Variants in TBC1D32 observed in about 807,000 individuals in gnomAD.
TBC1D32 encodes protein broad-minded.
TBC1D32 carries 151 observed loss-of-function variants against 170.3 expected under a neutral mutation model. The observed-to-expected ratio is 0.89, with a 90% CI of 0.78 to 1.01. The LOEUF is 1.01. Ranked by LOEUF, TBC1D32 falls within the 50% of genes least tolerant of loss-of-function variation. The pLI is 0.00. For synonymous variants in TBC1D32, 498 were observed against 488.0 expected, an observed-to-expected ratio of 1.02 and a Z score of -0.27; for missense variants, 1,464 against 1,457.1, an observed-to-expected ratio of 1.00 and a Z score of -0.08.
intron 17 of TBC1D32, among the ~76,000 whole-genome samples, chr6:121,251,789 T>A (rs995298952): frequency 6.6e-6 from 1 of 151,982 alleles, no homozygotes; most frequent in Non-Finnish European, 1.5e-5. Flanking sequence ...TGGGAGAAAA[T>A]TTTTGCCATC....
intron 21 of TBC1D32, among the ~76,000 whole-genome samples, chr6:121,214,540 G>T (rs9387929): frequency 6.6e-6 from 1 of 151,948 alleles, no homozygotes; most frequent in Non-Finnish European, 1.5e-5. Flanking sequence ...CTGTGAGGCT[G>T]CACCTAGACA....
intron 17 of TBC1D32, among the ~76,000 whole-genome samples, chr6:121,242,565 G>T (rs1258235705): frequency 6.6e-6 from 1 of 151,842 alleles, no homozygotes; most frequent in East Asian, 1.9e-4. Context: ...TTCACTGAAT[G>T]AAAAAAATGT....
At chr6:121,089,291 C>CA (rs1188315045) in intron 31 of TBC1D32, among the ~76,000 whole-genome samples, 3 of 151,958 alleles carry the variant, frequency 2.0e-5, no homozygotes, top group Non-Finnish European at 4.4e-5. Context: ...CCAGAGAAGA[C>CA]AGACAAAAAC....
chr6:121,162,216 T>C (rs1226865727), intron 22 of TBC1D32, among the ~76,000 whole-genome samples: 3 of 152,170 alleles, frequency 2.0e-5, no homozygotes, highest in African/African-American at 7.2e-5. Context: ...CATTTGTCAG[T>C]TTTTGTGTTT....
chr6:121,272,550 C>T (rs1234482001), intron 15 of TBC1D32, among the ~76,000 whole-genome samples: 2 of 152,046 alleles, frequency 1.3e-5, no homozygotes, highest in African/African-American at 4.8e-5. Flanking sequence ...AAATCAAAAC[C>T]ACAATGAGAT....
chr6:121,243,679 G>A (rs1181007387), intron 17 of TBC1D32, among the ~76,000 whole-genome samples: 1 of 150,716 alleles, frequency 6.6e-6, no homozygotes, highest in African/African-American at 2.4e-5. Context: ...ACCCTGTAAT[G>A]GGTCACAAAG....
intron 24 of TBC1D32, among the ~76,000 whole-genome samples, chr6:121,148,786 G>C (rs1783817337): frequency 6.6e-6 from 1 of 152,046 alleles, no homozygotes. Flanking sequence ...GCGAATGTTT[G>C]GATTTTTAGT....
chr6:121,287,489 C>T (rs989452356), intron 12 of TBC1D32, among the ~76,000 whole-genome samples: 17 of 152,022 alleles, frequency 1.1e-4, no homozygotes, highest in Non-Finnish European at 2.2e-4. Context: ...ACAGGAGCAC[C>T]CAGATTCATA....
intron 12 of TBC1D32, among the ~76,000 whole-genome samples, chr6:121,289,443 AG>A (rs1356644407): frequency 2.0e-5 from 3 of 152,202 alleles, no homozygotes; most frequent in African/African-American, 7.2e-5. Flanking sequence ...CCAACTTACG[AG>A]GGACGTGAAG....
At chr6:121,299,556 T>C in intron 9 of TBC1D32, 51 bp from the exon 10 acceptor site, 1 of 1,447,398 alleles carries the variant, frequency 6.9e-7, no homozygotes. Context: ...CCACTCAAAA[T>C]CTATTTTTCC....
At chr6:121,241,780 T>C (rs1216739739) in intron 18 of TBC1D32, among the ~76,000 whole-genome samples, 1 of 152,204 alleles carries the variant, frequency 6.6e-6, no homozygotes, top group Non-Finnish European at 1.5e-5. Context: ...CTAAATTATA[T>C]TGTAAATTTA....
At chr6:121,298,351 T>A (rs1389963151) in intron 10 of TBC1D32, among the ~76,000 whole-genome samples, 1 of 152,030 alleles carries the variant, frequency 6.6e-6, no homozygotes, top group Admixed American at 6.6e-5. Flanking sequence ...ACTTTTCAAA[T>A]AAGAAACCAA....
chr6:121,283,901 G>A lies in TBC1D32; in HGVS notation c.1382C>T (p.Ser461Phe). ...AAAAAGAACAAGCAGATCTATGAGGGATACCAAACCTTTAAAAAGAAAATA... is the reference window on the plus strand; with the variant it reads ...AAAAAGAACAAGCAGATCTATGAGGAATACCAAACCTTTAAAAAGAAAATA... ...IKLKNKKGLV[S>F]LIDLLVLFTQ... The change falls in exon 13 of 32, where the codon TCC becomes TTC. Residue 461 changes from serine (S) to phenylalanine (F), a missense_variant. Coordinates refer to ENST00000398212, the MANE Select transcript of TBC1D32 (RefSeq NM_152730.6). 6.2e-7 allele frequency: 1 copy of A among 1,602,764 alleles called. No individual in the cohort carries two copies. The highest frequency in any genetic ancestry group is 1.1e-5 in the South Asian group (1 of 89,496).
chr6:121,310,121 T>C (rs1213622772), intron 4 of TBC1D32, among the ~76,000 whole-genome samples: 2 of 152,036 alleles, frequency 1.3e-5, no homozygotes, highest in Non-Finnish European at 2.9e-5. Context: ...GGGTAACTGC[T>C]GGTCAAAGGA....
At chr6:121,227,211 G>C (rs1377733511) in intron 20 of TBC1D32, among the ~76,000 whole-genome samples, 4 of 152,156 alleles carry the variant, frequency 2.6e-5, no homozygotes, top group Non-Finnish European at 5.9e-5. Flanking sequence ...TAAACCACTA[G>C]AAGACACTAA....
At chr6:121,144,103 GAAT>G (rs1325524119) in intron 24 of TBC1D32, among the ~76,000 whole-genome samples, 1 of 152,094 alleles carries the variant, frequency 6.6e-6, no homozygotes, top group Non-Finnish European at 1.5e-5. Context: ...TTCAAATTGG[GAAT>G]AATGTCTTAT....
At chr6:121,250,113 A>C (rs574029957) in intron 17 of TBC1D32, among the ~76,000 whole-genome samples, 1 of 152,208 alleles carries the variant, frequency 6.6e-6, no homozygotes, top group African/African-American at 2.4e-5. Flanking sequence ...CCAAAACTGC[A>C]TGGTACTGGT....
intron 23 of TBC1D32, 68 bp downstream of exon 23, chr6:121,160,880 T>G (rs1785538664): frequency 1.6e-6 from 2 of 1,224,592 alleles, no homozygotes; most frequent in South Asian, 2.4e-5. Flanking sequence ...AGGGTGACTT[T>G]GAGTTGGCTA....
intron 29 of TBC1D32, among the ~76,000 whole-genome samples, chr6:121,110,240 G>A (rs1779071404): frequency 6.8e-6 from 1 of 147,704 alleles, no homozygotes; most frequent in Non-Finnish European, 1.5e-5. Context: ...GACAGAGTGA[G>A]ACTCTGTCTC....
Sources: gnomAD v4.1 joint callset for allele counts (sites outside exome capture counted in the v4.1 genomes callset) on GRCh38, gnomAD v4.1.1 for gene constraint, MANE v1.5 for transcripts, NCBI Gene and HGNC (gene_info 2026-07-23, HGNC 2026-07-21) for gene names.